RORA: variants seen among roughly 807,000 people sequenced by gnomAD.
RORA encodes the protein RAR related orphan receptor A, also known as nuclear receptor ROR-alpha.
Under a neutral mutation model 69.5 loss-of-function variants are expected in RORA, and 7 were observed. The ratio of observed to expected loss-of-function variants is 0.10; its 90% CI spans 0.06 to 0.19. The LOEUF (loss-of-function observed/expected upper bound fraction) is 0.19. Among genes scored for constraint, RORA ranks in the 10% least tolerant of loss-of-function variants. The pLI, the probability that RORA is intolerant of heterozygous loss-of-function variation, is 1.00. For missense variants in RORA, 457 were observed against 663.0 expected (o/e 0.69, Z 3.41); for synonymous variants, 261 against 240.8 (o/e 1.08, Z -0.78).
At chr15:60,604,120 G>A (rs1274425963) in intron 2 of RORA, among the ~76,000 whole-genome samples, 7 of 128,960 alleles carry the variant, frequency 5.4e-5, no homozygotes, top group African/African-American at 1.2e-4. Context: ...GTGACAGAGC[G>A]AGACTCTGTC....
chr15:60,580,156 C>T (rs2068151138), intron 2 of RORA, among the ~76,000 whole-genome samples: 1 of 152,104 alleles, frequency 6.6e-6, no homozygotes, highest in Non-Finnish European at 1.5e-5. Flanking sequence ...AAGTCAAACC[C>T]AGACTCTTCT....
intron 1 of RORA, among the ~76,000 whole-genome samples, chr15:60,722,888 C>T (rs935210615): frequency 6.6e-6 from 1 of 152,140 alleles, no homozygotes; most frequent in African/African-American, 2.4e-5. Context: ...AGTCTATTTC[C>T]CAGAGAAGTG....
intron 2 of RORA, among the ~76,000 whole-genome samples, chr15:60,612,081 C>G (rs1052654923): frequency 6.6e-6 from 1 of 152,180 alleles, no homozygotes; most frequent in African/African-American, 2.4e-5. Flanking sequence ...AATGTTTCCT[C>G]AAGCTCATTT....
At chr15:60,952,323 C>T (rs1325051227) in intron 1 of RORA, among the ~76,000 whole-genome samples, 1 of 152,180 alleles carries the variant, frequency 6.6e-6, no homozygotes, top group Admixed American at 6.5e-5. Context: ...GACAAACCCA[C>T]AGCCAATATC....
Position 60,594,384 on chromosome 15 carries a change from C to A in RORA, c.197-62533G>T, listed in dbSNP as rs143622388. 4.0e-3 allele frequency among the ~76,000 whole-genome samples: 610 copies of A among 152,330 alleles called. 9 individuals carry two copies. The highest frequency in any genetic ancestry group is 3.7e-3 in the Non-Finnish European group (253 of 68,030). ...ATGCCAAGCTATCCTATAAGCAGGTCCCAGGTACAATTTTCTTTCTTTTGT... is the reference window on the plus strand; with the variant it reads ...ATGCCAAGCTATCCTATAAGCAGGTACCAGGTACAATTTTCTTTCTTTTGT... On this transcript the variant is annotated intron_variant, in intron 2 of 10. Coordinates refer to ENST00000335670, the MANE Select transcript of RORA (RefSeq NM_134261.3).
At chr15:60,644,541 G>T (rs116228990) in intron 2 of RORA, among the ~76,000 whole-genome samples, 1 of 152,070 alleles carries the variant, frequency 6.6e-6, no homozygotes, top group Non-Finnish European at 1.5e-5. Flanking sequence ...TTTTTAAAAC[G>T]GCAAAGTATT....
chr15:61,224,406 T>G lies in RORA; in HGVS notation c.166+4647A>C, dbSNP rs548201580. On this transcript the variant is annotated intron_variant, in intron 1 of 10. Coordinates refer to ENST00000335670, the MANE Select transcript of RORA (RefSeq NM_134261.3). ...CCCAGATACCTGGGAAATGTGGTTA[T>G]GCATTTGGCTTCCACAGAAGTGTAA... 1.4e-3 allele frequency among the ~76,000 whole-genome samples: 210 copies of G among 152,374 alleles called. 1 individual carries two copies. The highest frequency in any genetic ancestry group is 4.9e-3 in the African/African-American group (202 of 41,594).
At chr15:60,603,277 C>A (rs1818495438) in intron 2 of RORA, among the ~76,000 whole-genome samples, 2 of 152,180 alleles carry the variant, frequency 1.3e-5, no homozygotes. Context: ...TTGGTAAATA[C>A]CTAGGAATGG....
Position 60,806,960 on chromosome 15 carries a change from G to T in RORA, c.167-128274C>A, listed in dbSNP as rs535652760. Among the ~76,000 whole-genome samples the T allele has an allele frequency of 1.8e-3, 275 of 152,236 alleles. 1 individual carries two copies. The highest frequency in any genetic ancestry group is 3.4e-3 in the Non-Finnish European group (232 of 68,000). Reference sequence around the variant, plus strand: ...ACAAACCCACAGCCAACATTATACTGAATGGGGAAAAGTTTAAAGCATTCC... The same window carrying T: ...ACAAACCCACAGCCAACATTATACTTAATGGGGAAAAGTTTAAAGCATTCC... On this transcript the variant is annotated intron_variant, in intron 1 of 10. Transcript: ENST00000335670.
intron 1 of RORA, among the ~76,000 whole-genome samples, chr15:60,730,379 T>C (rs1283020810): frequency 6.6e-6 from 1 of 152,246 alleles, no homozygotes; most frequent in Non-Finnish European, 1.5e-5. Flanking sequence ...TAACCTTTCA[T>C]AGCCTGATTT....
At chr15:60,954,543 G>A (rs921554146) in intron 1 of RORA, among the ~76,000 whole-genome samples, 5 of 152,038 alleles carry the variant, frequency 3.3e-5, no homozygotes, top group Non-Finnish European at 7.4e-5. Flanking sequence ...TTATGGAGGA[G>A]TGCCCTGTTT....
intron 2 of RORA, among the ~76,000 whole-genome samples, chr15:60,585,092 A>AG (rs137991018): frequency 0.052 from 7,891 of 152,210 alleles, 273 homozygotes; most frequent in East Asian, 0.15. Flanking sequence ...ATCAGCTTTG[A>AG]CTTCTTCAGC....
At chr15:60,926,713 C>T (rs557728396) in intron 1 of RORA, among the ~76,000 whole-genome samples, 1 of 152,330 alleles carries the variant, frequency 6.6e-6, no homozygotes, top group East Asian at 1.9e-4. Context: ...TCTATTACTA[C>T]ATATCAGCTG....
chr15:60,815,982 A>T (rs951690453), intron 1 of RORA, among the ~76,000 whole-genome samples: 1 of 143,694 alleles, frequency 7.0e-6, no homozygotes, highest in African/African-American at 2.5e-5. Context: ...ATTTACTATA[A>T]ATAGTATATA....
intron 1 of RORA, among the ~76,000 whole-genome samples, chr15:61,100,112 C>CTTTTTTTT (rs911036920): frequency 2.5e-4 from 30 of 119,062 alleles, no homozygotes; most frequent in Non-Finnish European, 3.1e-4. Flanking sequence ...GGTCAATTTT[C>CTTTTTTTT]TTTTTTTTTT....
intron 1 of RORA, among the ~76,000 whole-genome samples, chr15:60,852,774 G>A (rs1203134202): frequency 2.0e-5 from 3 of 152,134 alleles, no homozygotes; most frequent in Non-Finnish European, 4.4e-5. Context: ...ACTGGAGATG[G>A]AGCTTGAAGA....
intron 2 of RORA, among the ~76,000 whole-genome samples, chr15:60,631,347 C>T (rs918167355): frequency 9.9e-5 from 15 of 152,184 alleles, no homozygotes; most frequent in African/African-American, 3.6e-4. Context: ...ACTTCTGTAA[C>T]AACCTTGAGG....
chr15:60,777,726 C>T (rs188240613), intron 1 of RORA, among the ~76,000 whole-genome samples: 3 of 152,128 alleles, frequency 2.0e-5, no homozygotes, highest in Admixed American at 2.0e-4. Flanking sequence ...GCAGCAGAGT[C>T]CAGGTGCTCA....
At chr15:60,597,185 G>A (rs188835756) in intron 2 of RORA, among the ~76,000 whole-genome samples, 4 of 152,290 alleles carry the variant, frequency 2.6e-5, no homozygotes, top group Admixed American at 6.5e-5. Flanking sequence ...GTAATGGGAT[G>A]TTGGAGGTGA....
Sources: gnomAD v4.1 joint callset for allele counts (sites outside exome capture counted in the v4.1 genomes callset) on GRCh38, gnomAD v4.1.1 for gene constraint, MANE v1.5 for transcripts, NCBI Gene and HGNC (gene_info 2026-07-23, HGNC 2026-07-21) for gene names.